Variants in RFX7 observed in about 807,000 individuals in gnomAD.
The protein encoded by RFX7 is DNA-binding protein RFX7.
A neutral mutation model predicts 111.8 loss-of-function variants in RFX7; 26 were observed. The ratio of observed to expected loss-of-function variants is 0.23; its 90% CI spans 0.17 to 0.32. RFX7 has a LOEUF of 0.32. RFX7 is among the 10% of genes least tolerant of loss of function. RFX7 has a pLI of 1.00. For synonymous variants in RFX7, 624 were observed against 624.4 expected (o/e 1.00, Z 0.01); for missense variants, 1,573 against 1,772.9 (o/e 0.89, Z 2.02).
rs2041762785 is a variant in RFX7, at chr15:56,102,182, T to C, written c.590A>G (p.Lys197Arg). 6.2e-7 allele frequency: 1 copy of C among 1,611,288 alleles called. No homozygotes were observed. Residue 197 changes from lysine to arginine, a missense_variant, in exon 7 of 10, where the codon AAA becomes AGA. By Grantham distance (26) the Lys-to-Arg change is conservative. Transcript: ENST00000559447. ...MPTLPNLDFHKTGDGLEGAEP... is the reference protein window; with the variant it reads ...MPTLPNLDFHRTGDGLEGAEP... Reference sequence around the variant, plus strand: ...CTGAATTCTTACCCCATCTCCAGTTTTGTGAAAGTCAAGGTTGGGCAGTGT... The same window carrying C: ...CTGAATTCTTACCCCATCTCCAGTTCTGTGAAAGTCAAGGTTGGGCAGTGT...
chr15:56,217,576 G>A (rs1385089968), intron 2 of RFX7, among the ~76,000 whole-genome samples: 1 of 152,058 alleles, frequency 6.6e-6, no homozygotes, highest in African/African-American at 2.4e-5. Flanking sequence ...ACTTTATATA[G>A]ACTTTATAGA....
chr15:56,210,060 C>T (rs187241132), intron 2 of RFX7, among the ~76,000 whole-genome samples: 9 of 151,974 alleles, frequency 5.9e-5, no homozygotes, highest in Admixed American at 2.0e-4. Context: ...AGAAATAAGA[C>T]CCAATTATAT....
At chr15:56,137,577 A>T (rs1348175437) in intron 5 of RFX7, among the ~76,000 whole-genome samples, 1 of 151,918 alleles carries the variant, frequency 6.6e-6, no homozygotes, top group Non-Finnish European at 1.5e-5. Flanking sequence ...TCCTGGATTG[A>T]TTAATTTTTT....
At chr15:56,244,180 C>G (rs2043778541), upstream of RFX7, 1 of 152,252 alleles carries the variant, frequency 6.6e-6, no homozygotes, top group Admixed American at 6.5e-5. Context: ...GGGGAGGCAT[C>G]TTCAAAGCAA....
rs775665569 is a variant in RFX7, at chr15:56,096,086, G to C, written c.1642C>G (p.His548Asp). The C allele has an allele frequency of 5.6e-6, 9 of 1,613,612 alleles. No homozygotes were observed. In the South Asian group the frequency reaches 9.9e-5, roughly 18 times the overall value. ...KVEPETSSDE[H>D]PVQCQENSDE... ...GAGTTCTCTTGGCACTGTACAGGAT[G>C]CTCATCTGATGATGTTTCGGGTTCC... is the stretch of plus-strand genomic sequence containing the variant. The change falls in exon 10 of 10, where the codon CAT becomes GAT. Residue 548 changes from histidine (H) to aspartate (D), a missense_variant. By Grantham distance (81) the His-to-Asp change is moderately conservative (BLOSUM62 -1). Transcript: ENST00000559447.
intron 5 of RFX7, among the ~76,000 whole-genome samples, chr15:56,132,291 A>T (rs1276913332): frequency 6.6e-6 from 1 of 152,076 alleles, no homozygotes; most frequent in African/African-American, 2.4e-5. Context: ...AAAAAGAGGT[A>T]TAAGGAGGAA....
intron 5 of RFX7, among the ~76,000 whole-genome samples, chr15:56,113,629 C>T (rs2041968218): frequency 6.7e-6 from 1 of 149,574 alleles, no homozygotes; most frequent in Non-Finnish European, 1.5e-5. Context: ...CAAACCTGCA[C>T]ATTCTGCACA....
chr15:56,219,688 C>T (rs2141212785), intron 2 of RFX7, among the ~76,000 whole-genome samples: 1 of 152,296 alleles, frequency 6.6e-6, no homozygotes, highest in Middle Eastern at 3.4e-3. Flanking sequence ...CTGCAAAGGA[C>T]ATAATCTCAT....
rs2041549949 is a variant in RFX7, at chr15:56,088,127, A to G, written c.*5218T>C. On this transcript the variant is annotated 3_prime_UTR_variant, in exon 10 of 10. Coordinates refer to ENST00000559447, the MANE Select transcript of RFX7 (RefSeq NM_022841.7). Reference sequence around the variant, plus strand: ...GGAGGTTAAATAAAGAACTCCACAAAAATCAAACTCAATTCTAAATTTAAA... The same window carrying G: ...GGAGGTTAAATAAAGAACTCCACAAGAATCAAACTCAATTCTAAATTTAAA... The G allele has an allele frequency of 5.2e-6, 1 of 193,886 alleles. No individual in the cohort carries two copies. The highest frequency in any genetic ancestry group is 2.4e-5 in the African/African-American group (1 of 41,890). The allele number at this position is 193,886 out of a possible 1,614,324, so 12.0% of individuals were successfully genotyped here. A position where few individuals can be genotyped will look rare whatever the true frequency, so the allele number is the denominator to read the frequency against.
chr15:56,194,084 C>T (rs937861957), intron 2 of RFX7, among the ~76,000 whole-genome samples: 8 of 152,126 alleles, frequency 5.3e-5, no homozygotes, highest in African/African-American at 1.9e-4. Context: ...ATCTTGTTTG[C>T]TAGAAACATT....
intron 3 of RFX7, among the ~76,000 whole-genome samples, chr15:56,160,118 A>G (rs1344192486): frequency 7.9e-5 from 12 of 152,190 alleles, no homozygotes; most frequent in African/African-American, 2.7e-4. Flanking sequence ...TATAAAGAGC[A>G]TAACAATTAG....
intron 5 of RFX7, 30 bp downstream of exon 5, chr15:56,142,748 T>G: frequency 6.3e-7 from 1 of 1,595,212 alleles, no homozygotes; most frequent in Non-Finnish European, 8.6e-7. Flanking sequence ...CTTTAATATA[T>G]CAGCATGCCA....
intron 5 of RFX7, among the ~76,000 whole-genome samples, chr15:56,105,724 C>A (rs537368355): frequency 6.6e-6 from 1 of 151,786 alleles, no homozygotes; most frequent in Non-Finnish European, 1.5e-5. Context: ...TAAGTATCAT[C>A]GACCTAAAGA....
At chr15:56,231,397 C>A (rs2414466) in intron 2 of RFX7, among the ~76,000 whole-genome samples, 5 of 151,958 alleles carry the variant, frequency 3.3e-5, no homozygotes, top group African/African-American at 4.8e-5. Context: ...GCAAAAGTCT[C>A]GTCTTACATG....
intron 5 of RFX7, among the ~76,000 whole-genome samples, chr15:56,117,324 G>A (rs2042021415): frequency 6.6e-6 from 1 of 152,114 alleles, no homozygotes; most frequent in Non-Finnish European, 1.5e-5. Flanking sequence ...GGTGGAGGGT[G>A]AGGCAGGTCT....
At chr15:56,098,012 T>G in intron 9 of RFX7, 69 bp downstream of exon 9, 1 of 1,446,042 alleles carries the variant, frequency 6.9e-7, no homozygotes, top group Non-Finnish European at 9.6e-7. Flanking sequence ...TCTTTTCATC[T>G]GCCACTTTTA....
At chr15:56,177,294 A>T (rs1250783511) in intron 3 of RFX7, among the ~76,000 whole-genome samples, 3 of 152,108 alleles carry the variant, frequency 2.0e-5, no homozygotes, top group Non-Finnish European at 4.4e-5. Context: ...CACCCTATCT[A>T]AGGTTACCCT....
At chr15:56,147,667 G>A (rs557539237) in intron 3 of RFX7, among the ~76,000 whole-genome samples, 17 of 151,906 alleles carry the variant, frequency 1.1e-4, no homozygotes, top group Admixed American at 5.9e-4. Flanking sequence ...TCCGCCCCCC[G>A]GGTTCACACC....
intron 3 of RFX7, among the ~76,000 whole-genome samples, chr15:56,153,548 A>G (rs1324898743): frequency 6.6e-6 from 1 of 152,232 alleles, no homozygotes; most frequent in Non-Finnish European, 1.5e-5. Flanking sequence ...CAACAACCAT[A>G]TGATTATCTC....
Sources: gnomAD v4.1 joint callset for allele counts (sites outside exome capture counted in the v4.1 genomes callset) on GRCh38, gnomAD v4.1.1 for gene constraint, MANE v1.5 for transcripts, NCBI Gene and HGNC (gene_info 2026-07-23, HGNC 2026-07-21) for gene names.